FMNL2: variants seen among roughly 807,000 people sequenced by gnomAD.
The protein encoded by FMNL2 is formin like 2, also known as formin-like protein 2.
In FMNL2, 51 loss-of-function variants were observed where a neutral mutation model predicts 130.2. That is an observed-to-expected ratio of 0.39 (90% CI 0.31 to 0.49). The LOEUF is 0.49. FMNL2 is among the 20% of genes least tolerant of loss of function. FMNL2 has a pLI of 0.85. For missense variants in FMNL2, 977 were observed against 1,316.2 expected (o/e 0.74, Z 3.99); for synonymous variants, 465 against 467.1 (o/e 1.00, Z 0.06).
rs146938166 is a variant in FMNL2 at position 152,494,810 on chromosome 2, G to T, written c.118-27133G>T. Among the ~76,000 whole-genome samples, 338 of 152,302 alleles carry T rather than the reference G, an allele frequency of 2.2e-3. 3 individuals carry two copies. The highest frequency in any genetic ancestry group is 7.8e-3 in the African/African-American group (324 of 41,562). On this transcript the variant is annotated intron_variant, in intron 1 of 25. Coordinates refer to ENST00000288670, the MANE Select transcript of FMNL2 (RefSeq NM_052905.4). Reference sequence around the variant, plus strand: ...CCCTGGGTTATCAGCCTGTTTAGAAGAAGTGACCTGGTACGCTTTTTGACT... The same window carrying T: ...CCCTGGGTTATCAGCCTGTTTAGAATAAGTGACCTGGTACGCTTTTTGACT...
chr2:152,350,062 T>A (rs1682387007), intron 1 of FMNL2, among the ~76,000 whole-genome samples: 1 of 151,980 alleles, frequency 6.6e-6, no homozygotes, highest in South Asian at 2.1e-4. Flanking sequence ...GGTACAGAAA[T>A]GGAGCGTTTA....
At chr2:152,348,991 C>T (rs1335817419) in intron 1 of FMNL2, among the ~76,000 whole-genome samples, 1 of 144,902 alleles carries the variant, frequency 6.9e-6, no homozygotes, top group African/African-American at 2.6e-5. Context: ...CCCGCCACCG[C>T]GCCCGGCTAA....
chr2:152,599,748 A>G (rs73971909), intron 9 of FMNL2, among the ~76,000 whole-genome samples: 2,961 of 152,208 alleles, frequency 0.019, 109 homozygotes, highest in African/African-American at 0.065. Flanking sequence ...GAAGGAGGAG[A>G]GTTGACTAGG....
At chr2:152,619,754 C>G (rs1408020143) in intron 15 of FMNL2, 36 bp downstream of exon 15, 13 of 1,588,312 alleles carry the variant, frequency 8.2e-6, no homozygotes. Context: ...GTACTCATAT[C>G]AGAAATGCTG....
intron 6 of FMNL2, among the ~76,000 whole-genome samples, chr2:152,570,647 C>A (rs1055667762): frequency 1.3e-5 from 2 of 152,132 alleles, no homozygotes; most frequent in African/African-American, 2.4e-5. Flanking sequence ...CTGTTTTTCT[C>A]TTTGGAATCT....
At chr2:152,376,935 A>C in intron 1 of FMNL2, among the ~76,000 whole-genome samples, 1 of 152,190 alleles carries the variant, frequency 6.6e-6, no homozygotes, top group South Asian at 2.1e-4. Flanking sequence ...AACTCTGAGG[A>C]TTAGAGGACT....
At chr2:152,606,918 G>A (rs935961639) in intron 9 of FMNL2, among the ~76,000 whole-genome samples, 1 of 149,498 alleles carries the variant, frequency 6.7e-6, no homozygotes, top group East Asian at 1.9e-4. Context: ...CATTTTAAAT[G>A]TGCCTTTTAA....
chr2:152,345,898 G>T (rs1343678937), intron 1 of FMNL2, among the ~76,000 whole-genome samples: 1 of 152,130 alleles, frequency 6.6e-6, no homozygotes, highest in Admixed American at 6.5e-5. Context: ...GTTTGGTTTG[G>T]TTCTCAGGGT....
chr2:152,419,158 T>TAA (rs912312173), intron 1 of FMNL2, among the ~76,000 whole-genome samples: 1 of 152,164 alleles, frequency 6.6e-6, no homozygotes, highest in Non-Finnish European at 1.5e-5. Flanking sequence ...GGACTTTTTT[T>TAA]GTTTTTTATT....
intron 1 of FMNL2, among the ~76,000 whole-genome samples, chr2:152,372,970 G>C (rs1683967031): frequency 6.6e-6 from 1 of 152,156 alleles, no homozygotes; most frequent in Non-Finnish European, 1.5e-5. Context: ...TGGGTTAGGT[G>C]GGGCATATAA....
chr2:152,434,487 A>G (rs942781536), intron 1 of FMNL2, among the ~76,000 whole-genome samples: 5 of 152,184 alleles, frequency 3.3e-5, no homozygotes, highest in Non-Finnish European at 5.9e-5. Flanking sequence ...TCCAGCACAC[A>G]AAAACTTGAG....
intron 1 of FMNL2, among the ~76,000 whole-genome samples, chr2:152,478,048 C>T (rs998603536): frequency 6.6e-6 from 1 of 151,262 alleles, no homozygotes; most frequent in Non-Finnish European, 1.5e-5. Context: ...TTTTAAATAG[C>T]AGAATCTTTG....
chr2:152,627,411 G>A (rs1681865566), intron 17 of FMNL2, among the ~76,000 whole-genome samples: 1 of 152,156 alleles, frequency 6.6e-6, no homozygotes, highest in Non-Finnish European at 1.5e-5. Flanking sequence ...ATTATTAAAT[G>A]TTTTAGGAAC....
In FMNL2 at chr2:152,545,412, CT is replaced by C. The variant is rs545149469; in HGVS notation, c.282+2600del. 4.9e-3 allele frequency among the ~76,000 whole-genome samples: 749 copies of C among 151,928 alleles called. 5 individuals carry two copies. The highest frequency in any genetic ancestry group is 0.017 in the African/African-American group (724 of 41,416). On this transcript the variant is annotated intron_variant, in intron 3 of 25. Transcript: ENST00000288670. ...AATTGAATAGAAGATACTTAATTTG[CT>C]TTTTTTAAAAAAAAATTTTAAGCAT...
At chr2:152,643,753 T>C (rs1683303230) in intron 25 of FMNL2, 1 of 985,482 alleles carries the variant, frequency 1.0e-6, no homozygotes, top group Non-Finnish European at 1.2e-6. Flanking sequence ...CTGGGTGTGT[T>C]TGACAGCTGA....
chr2:152,375,338 G>C (rs1272650418), intron 1 of FMNL2, among the ~76,000 whole-genome samples: 1 of 152,232 alleles, frequency 6.6e-6, no homozygotes, highest in Non-Finnish European at 1.5e-5. Context: ...TGAAGGCATG[G>C]CGGAGGCCTG....
At chr2:152,562,636 TC>T (rs535516483) in intron 6 of FMNL2, among the ~76,000 whole-genome samples, 184 of 152,370 alleles carry the variant, frequency 1.2e-3, no homozygotes, top group Admixed American at 2.1e-3. Flanking sequence ...GAGCAGTGTT[TC>T]AATTCACCTT....
chr2:152,335,468 C>A lies in FMNL2; in HGVS notation c.-136C>A. 2.0e-6 allele frequency: 1 copy of A among 502,744 alleles called. No individual in the cohort carries two copies. Among genetic ancestry groups the A allele is most frequent in the South Asian group, 4.7e-5 (1 of 21,134 alleles). 31.1% of individuals were successfully genotyped at this position (502,744 alleles called of 1,614,324 possible). A position where few individuals can be genotyped will look rare whatever the true frequency, so the allele number is the denominator to read the frequency against. ...CTAGGGAGCGGTGCGCGCCGCACAC[C>A]CGCCTGGGCGCGGCGGAGGGCGGGG... is the stretch of plus-strand genomic sequence containing the variant. On this transcript the variant is annotated 5_prime_UTR_variant, in exon 1 of 26. Coordinates refer to ENST00000288670, the MANE Select transcript of FMNL2 (RefSeq NM_052905.4).
rs375999861 is a variant in FMNL2 at position 152,594,937 on chromosome 2, T to A, written c.877-12402T>A. ...CTTATGGTCCAACAGTCACTGTCAG[T>A]CACCCTTCATCTTGCAGTTGAGCTC... is the stretch of plus-strand genomic sequence containing the variant. On this transcript the variant is annotated intron_variant, in intron 9 of 25. Coordinates refer to ENST00000288670, the MANE Select transcript of FMNL2 (RefSeq NM_052905.4). Among the ~76,000 whole-genome samples, 97 of 152,328 alleles carry A rather than the reference T, an allele frequency of 6.4e-4. 2 individuals carry two copies. The South Asian group carries it at 0.01, about 16-fold the overall frequency.
Sources: allele counts gnomAD v4.1 joint callset (sites outside exome capture counted in the v4.1 genomes callset), GRCh38; gene constraint gnomAD v4.1.1; transcripts MANE v1.5; gene names NCBI Gene and HGNC (gene_info 2026-07-23, HGNC 2026-07-21).